The following CATSPERB variants were observed in gnomAD, a reference collection of about 807,000 sequenced individuals.
CATSPERB encodes the protein catsper channel auxiliary subunit beta.
In CATSPERB, 93 loss-of-function variants were observed where a neutral mutation model predicts 128.3. The ratio of observed to expected loss-of-function variants is 0.72; its 90% CI spans 0.61 to 0.86. CATSPERB has a LOEUF of 0.86. Among genes scored for constraint, CATSPERB ranks in the 40% least tolerant of loss-of-function variants. CATSPERB has a pLI of 0.00. For missense variants in CATSPERB, 1,153 were observed against 1,329.5 expected, an observed-to-expected ratio of 0.87 and a Z score of 2.06; for synonymous variants, 381 against 448.8, an observed-to-expected ratio of 0.85 and a Z score of 1.91.
At chr14:91,660,775 T>C (rs1362296264) in intron 14 of CATSPERB, among the ~76,000 whole-genome samples, 1 of 152,252 alleles carries the variant, frequency 6.6e-6, no homozygotes, top group Non-Finnish European at 1.5e-5. Context: ...TCTCCTTTTA[T>C]GCCTCATCTA....
chr14:91,720,441 T>C (rs995941922), intron 4 of CATSPERB, among the ~76,000 whole-genome samples: 2 of 151,292 alleles, frequency 1.3e-5, no homozygotes, highest in African/African-American at 4.9e-5. Flanking sequence ...TCTATGTACT[T>C]GCAGTGAACA....
chr14:91,684,880 G>A (rs772930068), intron 10 of CATSPERB, among the ~76,000 whole-genome samples: 43 of 151,966 alleles, frequency 2.8e-4, no homozygotes, highest in Admixed American at 5.9e-4. Flanking sequence ...GCCTCCCAAA[G>A]TGCTGGCATT....
intron 15 of CATSPERB, among the ~76,000 whole-genome samples, chr14:91,657,581 C>A (rs139960515): frequency 6.6e-4 from 101 of 152,200 alleles, no homozygotes; most frequent in African/African-American, 2.4e-3. Flanking sequence ...AGTGAACAGA[C>A]AATCCACAGA....
chr14:91,596,206 A>G (rs1595138926), intron 22 of CATSPERB, among the ~76,000 whole-genome samples: 1 of 150,804 alleles, frequency 6.6e-6, no homozygotes, highest in Non-Finnish European at 1.5e-5. Flanking sequence ...TTATAAATCC[A>G]CCCCCCTTTT....
At chr14:91,621,479 C>G (rs1410914042) in intron 19 of CATSPERB, 129 bp downstream of exon 19, 1 of 661,992 alleles carries the variant, frequency 1.5e-6, no homozygotes, top group Non-Finnish European at 2.6e-6. Context: ...GGCACTAATA[C>G]TGTTAGTAGT....
intron 7 of CATSPERB, among the ~76,000 whole-genome samples, chr14:91,700,502 T>C (rs1480309497): frequency 3.3e-5 from 5 of 152,182 alleles, no homozygotes; most frequent in Non-Finnish European, 7.4e-5. Context: ...CTTCTTTGCA[T>C]GTCTAGTAGA....
chr14:91,659,766 G>T lies in CATSPERB; in HGVS notation c.1432+71C>A, dbSNP rs1042590493. 1.1e-5 allele frequency: 16 copies of T among 1,418,094 alleles called. No individual in the cohort carries two copies. The Admixed American group carries it at 3.4e-4, about 30-fold the overall frequency. 87.8% of individuals were successfully genotyped at this position (1,418,094 alleles called of 1,614,324 possible). A position where few individuals can be genotyped will look rare whatever the true frequency, so the allele number is the denominator to read the frequency against. On this transcript the variant is annotated intron_variant, in intron 15 of 26. Transcript: ENST00000256343. ...GTCTTAGGATTAGTTGATTAATACG[G>T]CAGGTTTTTCATATATCTTCTAATC... is the stretch of plus-strand genomic sequence containing the variant.
intron 15 of CATSPERB, among the ~76,000 whole-genome samples, chr14:91,639,918 G>A (rs1566714812): frequency 2.0e-5 from 3 of 149,414 alleles, no homozygotes; most frequent in Non-Finnish European, 4.5e-5. Context: ...ACACATTGGA[G>A]TGTCCAGGAC....
Position 91,599,357 on chromosome 14 carries a change from A to G in CATSPERB, c.2710-7355T>C, listed in dbSNP as rs538459423. Among the ~76,000 whole-genome samples the G allele has an allele frequency of 1.1e-4, 17 of 152,132 alleles. No homozygotes were observed. The East Asian group carries it at 1.2e-3, about 10-fold the overall frequency. On this transcript the variant is annotated intron_variant, in intron 22 of 26. Coordinates refer to ENST00000256343, the MANE Select transcript of CATSPERB (RefSeq NM_024764.4). ...GGCGGATCACGAAGTCAGGAGATTG[A>G]GACCATCCTGGCTAACGCGGTGAAA...
intron 17 of CATSPERB, among the ~76,000 whole-genome samples, chr14:91,634,270 A>T (rs1894328824): frequency 1.3e-5 from 2 of 152,228 alleles, no homozygotes; most frequent in Non-Finnish European, 2.9e-5. Flanking sequence ...ATGGATCATC[A>T]TAAAGATCTT....
intron 19 of CATSPERB, among the ~76,000 whole-genome samples, chr14:91,620,089 G>A (rs959059046): frequency 6.6e-6 from 1 of 151,958 alleles, no homozygotes. Context: ...TTATTTCTCA[G>A]CGTGGAATTC....
chr14:91,634,152 G>A (rs1380010262), intron 17 of CATSPERB, among the ~76,000 whole-genome samples: 1 of 152,084 alleles, frequency 6.6e-6, no homozygotes, highest in Non-Finnish European at 1.5e-5. Flanking sequence ...TATTTTGTAT[G>A]TTATATGTCT....
chr14:91,588,728 T>C (rs1893347522), intron 24 of CATSPERB, among the ~76,000 whole-genome samples: 1 of 152,188 alleles, frequency 6.6e-6, no homozygotes, highest in Non-Finnish European at 1.5e-5. Context: ...GTTTAACATC[T>C]AGCTTGTAAA....
In CATSPERB at chr14:91,725,094, A is replaced by C; in HGVS notation, c.154T>G (p.Phe52Val). The change falls in exon 3 of 27, where the codon TTC (phenylalanine) becomes GTC (valine). Residue 52 changes from phenylalanine to valine, a missense_variant. Phe to Val is a conservative substitution (Grantham distance 50). Coordinates refer to ENST00000256343, the MANE Select transcript of CATSPERB (RefSeq NM_024764.4). The stretch of plus-strand genomic sequence containing the variant: ...GTGGACCTTACCAAGTTTTCTAAGA[A>C]AAGATACAACTTGATTATTTCATTC... Reference protein sequence around the residue: ...QENEIIKLYLFLENLKIQCFF... With the variant: ...QENEIIKLYLVLENLKIQCFF... The C allele has an allele frequency of 6.3e-7, 1 of 1,575,398 alleles. No individual in the cohort carries two copies. Among genetic ancestry groups the C allele is most frequent in the South Asian group, 1.2e-5 (1 of 83,820 alleles).
intron 17 of CATSPERB, among the ~76,000 whole-genome samples, chr14:91,635,266 T>G (rs557530134): frequency 6.6e-6 from 1 of 152,132 alleles, no homozygotes; most frequent in South Asian, 2.1e-4. Flanking sequence ...AAAACAGATA[T>G]TTAGACCACA....
intron 1 of CATSPERB, among the ~76,000 whole-genome samples, chr14:91,731,170 G>A (rs907239662): frequency 6.6e-6 from 1 of 152,120 alleles, no homozygotes; most frequent in African/African-American, 2.4e-5. Context: ...GTGCAAACTC[G>A]AGAGAGTTAG....
chr14:91,580,948 C>T lies in CATSPERB; in HGVS notation c.3292G>A (p.Glu1098Lys). ...TFQRWIRRNQEKFSSISLSEL... is the reference protein window; with the variant it reads ...TFQRWIRRNQKKFSSISLSEL... Reference sequence around the variant, plus strand: ...CTGAGAGAGATACTTGAAAACTTCTCTTGGTTTCTTCTAATCCATCTTTGG... The same window carrying T: ...CTGAGAGAGATACTTGAAAACTTCTTTTGGTTTCTTCTAATCCATCTTTGG... Residue 1098 changes from glutamate (E) to lysine (K), a missense_variant, in exon 27 of 27, where the codon GAG becomes AAG. Transcript: ENST00000256343. The T allele has an allele frequency of 1.2e-6, 2 of 1,614,240 alleles. No individual in the cohort carries two copies. The highest frequency in any genetic ancestry group is 1.1e-5 in the South Asian group (1 of 91,086).
At chr14:91,628,577 G>C (rs566543200) in intron 17 of CATSPERB, among the ~76,000 whole-genome samples, 2 of 152,174 alleles carry the variant, frequency 1.3e-5, no homozygotes, top group Non-Finnish European at 2.9e-5. Context: ...CAGTGAGGGA[G>C]TTCTCATGAG....
intron 15 of CATSPERB, among the ~76,000 whole-genome samples, chr14:91,650,870 T>C (rs1894692909): frequency 6.6e-6 from 1 of 152,156 alleles, no homozygotes; most frequent in Non-Finnish European, 1.5e-5. Flanking sequence ...TCTCCACTTA[T>C]TTGTTCATTT....
Sources: allele counts gnomAD v4.1 joint callset (sites outside exome capture counted in the v4.1 genomes callset), GRCh38; gene constraint gnomAD v4.1.1; transcripts MANE v1.5; gene names NCBI Gene and HGNC (gene_info 2026-07-23, HGNC 2026-07-21).